Variants in SOD2 observed in about 807,000 individuals in gnomAD.
SOD2 encodes the protein superoxide dismutase [Mn], mitochondrial.
Under a neutral mutation model 27.0 loss-of-function variants are expected in SOD2, and 11 were observed. The observed-to-expected ratio is 0.41, with a 90% CI of 0.26 to 0.67. SOD2 has a LOEUF of 0.67. Ranked by LOEUF, SOD2 falls within the 30% of genes least tolerant of loss-of-function variation. The probability of loss-of-function intolerance (pLI) is 0.34; values close to 1 mark genes in which losing one functional copy is unlikely to be tolerated. For missense variants in SOD2, 250 were observed against 274.5 expected (o/e 0.91, Z 0.63); for synonymous variants, 105 against 103.0 (o/e 1.02, Z -0.12).
chr6:159,752,343 G>A (rs561016968), intron 1 of SOD2, among the ~76,000 whole-genome samples: 49 of 152,182 alleles, frequency 3.2e-4, no homozygotes, highest in Non-Finnish European at 5.9e-4. Context: ...CTTTAAAAGT[G>A]ATCATTTCTT....
upstream of SOD2, chr6:159,727,374 T>TGGCGGGGGGCGGGAGGCGGGAGGCGGGA (rs1778238104): frequency 9.8e-7 from 1 of 1,021,480 alleles, no homozygotes; most frequent in African/African-American, 2.1e-5. Context: ...GCGGGGAGGC[T>TGGCGGGGGGCGGGAGGCGGGAGGCGGGA]GGCGGGAGGC....
At chr6:159,700,069 C>T (rs1053587089) in intron 1 of SOD2, among the ~76,000 whole-genome samples, 7 of 152,322 alleles carry the variant, frequency 4.6e-5, no homozygotes, top group Admixed American at 3.9e-4. Context: ...AATAAAACTT[C>T]ATTTTCATGC....
chr6:159,737,841 T>C (rs1421840990), intron 1 of SOD2, among the ~76,000 whole-genome samples: 1 of 152,240 alleles, frequency 6.6e-6, no homozygotes, highest in African/African-American at 2.4e-5. Flanking sequence ...CAGCCTTTAT[T>C]TGGTGTAGTG....
intron 1 of SOD2, among the ~76,000 whole-genome samples, chr6:159,752,633 T>A (rs974358183): frequency 6.6e-6 from 1 of 152,118 alleles, no homozygotes; most frequent in African/African-American, 2.4e-5. Context: ...AAAAGGATGA[T>A]CTTTTCCAAT....
At chr6:159,691,355 T>C (rs5746110) in intron 2 of SOD2, 9 of 152,244 alleles carry the variant, frequency 5.9e-5, no homozygotes, top group African/African-American at 2.2e-4. Flanking sequence ...TCTTCCAGAA[T>C]GTGGTAACTT....
At chr6:159,761,177 T>C (rs1391556185) in exon 1 of SOD2, 4 of 166,220 alleles carry the variant, frequency 2.4e-5, no homozygotes, top group African/African-American at 7.2e-5. Context: ...CCTTCATGAC[T>C]TTGTGACAAA....
chr6:159,738,742 A>C (rs1308132676), intron 1 of SOD2, among the ~76,000 whole-genome samples: 2 of 152,050 alleles, frequency 1.3e-5, no homozygotes, highest in Admixed American at 1.3e-4. Context: ...TATTTTAGCC[A>C]TTCTAATCAG....
At chr6:159,686,662 A>C (rs568693906) in intron 3 of SOD2, among the ~76,000 whole-genome samples, 4 of 152,248 alleles carry the variant, frequency 2.6e-5, no homozygotes, top group Non-Finnish European at 5.9e-5. Flanking sequence ...AATAATAATA[A>C]ATAAAAACAA....
intron 1 of SOD2, among the ~76,000 whole-genome samples, chr6:159,739,294 C>G (rs1215009215): frequency 6.6e-6 from 1 of 152,018 alleles, no homozygotes; most frequent in East Asian, 1.9e-4. Context: ...TTTTTCCTTT[C>G]GTGTTTAACA....
At chr6:159,716,878 T>C (rs1777930317) in intron 1 of SOD2, among the ~76,000 whole-genome samples, 1 of 152,156 alleles carries the variant, frequency 6.6e-6, no homozygotes, top group Non-Finnish European at 1.5e-5. Flanking sequence ...GGCCTGAAGA[T>C]ACTATGACTC....
At chr6:159,722,816 G>A (rs1348616610) in intron 1 of SOD2, among the ~76,000 whole-genome samples, 1 of 152,166 alleles carries the variant, frequency 6.6e-6, no homozygotes, top group African/African-American at 2.4e-5. Context: ...AACCAGACTT[G>A]TAGGAAGTCA....
intron 2 of SOD2, 110 bp from the exon 3 acceptor site, chr6:159,688,352 T>C (rs1780291753): frequency 4.3e-6 from 3 of 694,070 alleles, no homozygotes; most frequent in Non-Finnish European, 7.6e-6. Context: ...CCAGCTTATC[T>C]ATAACATCCG....
chr6:159,720,538 G>T, intron 1 of SOD2: 1 of 152,894 alleles, frequency 6.5e-6, no homozygotes, highest in South Asian at 1.8e-4. Context: ...AGAAAAGGAT[G>T]GTAGTAAGTT....
rs746977080 is a variant in SOD2 at position 159,682,544 on chromosome 6, A to T, written c.618T>A (p.Asn206Lys). The T allele has an allele frequency of 1.2e-6, 2 of 1,614,110 alleles. No individual in the cohort carries two copies. The highest frequency in any genetic ancestry group is 2.2e-5 in the South Asian group (2 of 91,076). ...VRPDYLKAIW[N>K]VINWENVTER... ...CAGTTACATTCTCCCAGTTGATTAC[A>T]TTCCAAATAGCTTTTAGATAATCAG... Residue 206 changes from asparagine to lysine, a missense_variant, in exon 5 of 5, where the codon AAT (asparagine) becomes AAA (lysine). By Grantham distance (94) the Asn-to-Lys change is moderately conservative. Transcript: ENST00000538183.
chr6:159,710,288 T>TATATATATATATATAA (rs1323477194), intron 1 of SOD2, among the ~76,000 whole-genome samples: 3 of 147,798 alleles, frequency 2.0e-5, no homozygotes, highest in African/African-American at 7.5e-5. Context: ...TATATATATA[T>TATATATATATATATAA]AAAATACAAA....
At chr6:159,695,847 G>A (rs569988623), upstream of SOD2, among the ~76,000 whole-genome samples, 10 of 152,192 alleles carry the variant, frequency 6.6e-5, no homozygotes, top group South Asian at 2.1e-3. Flanking sequence ...GGCCTCAGAA[G>A]TTAGATTACA....
chr6:159,736,273 A>G, intron 1 of SOD2: 1 of 1,604,938 alleles, frequency 6.2e-7, no homozygotes, highest in Non-Finnish European at 8.5e-7. Flanking sequence ...AAGATGACCA[A>G]CGAAGAACCT....
At chr6:159,699,868 G>A (rs1028565277) in intron 1 of SOD2, among the ~76,000 whole-genome samples, 2 of 152,056 alleles carry the variant, frequency 1.3e-5, no homozygotes, top group Non-Finnish European at 2.9e-5. Flanking sequence ...GAGTGGCCTC[G>A]CATACCACCC....
chr6:159,687,054 G>A (rs1307279820), intron 3 of SOD2, among the ~76,000 whole-genome samples: 1 of 152,172 alleles, frequency 6.6e-6, no homozygotes, highest in African/African-American at 2.4e-5. Flanking sequence ...TATCAGTTAG[G>A]AAAGAGTGAA....
Sources: allele counts gnomAD v4.1 joint callset (sites outside exome capture counted in the v4.1 genomes callset), GRCh38; gene constraint gnomAD v4.1.1; transcripts MANE v1.5; gene names NCBI Gene and HGNC (gene_info 2026-07-23, HGNC 2026-07-21).